The following ZBTB20 variants were observed in gnomAD, a reference collection of about 807,000 sequenced individuals.
ZBTB20 encodes the protein zinc finger and BTB domain-containing protein 20.
A neutral mutation model predicts 56.9 loss-of-function variants in ZBTB20; 9 were observed. The ratio of observed to expected loss-of-function variants is 0.16; its 90% CI spans 0.10 to 0.28. ZBTB20 has a LOEUF of 0.28. ZBTB20 is among the 10% of genes least tolerant of loss of function. The pLI is 1.00. For synonymous variants in ZBTB20, 417 were observed against 420.7 expected, an observed-to-expected ratio of 0.99 and a Z score of 0.11; for missense variants, 655 against 1,003.0, an observed-to-expected ratio of 0.65 and a Z score of 4.69.
At chr3:114,844,815 T>A (rs2074605362) in intron 4 of ZBTB20, among the ~76,000 whole-genome samples, 1 of 150,568 alleles carries the variant, frequency 6.6e-6, no homozygotes, top group Non-Finnish European at 1.5e-5. Flanking sequence ...TGATTGATAT[T>A]GAGCATCATT....
Position 114,316,695 on chromosome 3 carries a change from A to G in ZBTB20, c.*22310T>C, listed in dbSNP as rs1025140727. ...ATTTTTTAAAGTGCATTTTCAATGC[A>G]GAAAAACTGTAATCCACTGATTCCT... On this transcript the variant is annotated 3_prime_UTR_variant, in exon 12 of 12. Transcript: ENST00000675478. 3.5e-5 allele frequency: 14 copies of G among 399,442 alleles called. No individual in the cohort carries two copies. The highest frequency in any genetic ancestry group is 3.9e-4 in the Middle Eastern group (1 of 2,544). The allele number at this position is 399,442 out of a possible 1,614,324, so 24.7% of individuals were successfully genotyped here. A position where few individuals can be genotyped will look rare whatever the true frequency, so the allele number is the denominator to read the frequency against.
At chr3:114,854,494 A>G (rs1449986120) in intron 4 of ZBTB20, among the ~76,000 whole-genome samples, 1 of 152,108 alleles carries the variant, frequency 6.6e-6, no homozygotes, top group East Asian at 1.9e-4. Flanking sequence ...ACATTTGTAT[A>G]GTTTTTGTCT....
At chr3:114,711,361 T>C (rs1344070234) in intron 5 of ZBTB20, among the ~76,000 whole-genome samples, 1 of 152,192 alleles carries the variant, frequency 6.6e-6, no homozygotes, top group Admixed American at 6.5e-5. Context: ...AGTAGATGAA[T>C]AAAGTGTTCC....
intron 7 of ZBTB20, among the ~76,000 whole-genome samples, chr3:114,467,167 G>C (rs2092588788): frequency 6.6e-6 from 1 of 152,156 alleles, no homozygotes; most frequent in Admixed American, 6.5e-5. Flanking sequence ...AGATGTTGTG[G>C]GTGAAACATG....
chr3:114,739,394 C>A (rs1412852953), intron 5 of ZBTB20, among the ~76,000 whole-genome samples: 2 of 152,170 alleles, frequency 1.3e-5, no homozygotes, highest in Admixed American at 1.3e-4. Flanking sequence ...TTACATGCTT[C>A]CTCACAGATT....
At chr3:114,761,562 C>G (rs942114301) in intron 5 of ZBTB20, among the ~76,000 whole-genome samples, 1 of 152,026 alleles carries the variant, frequency 6.6e-6, no homozygotes, top group Admixed American at 6.6e-5. Context: ...AGTCCGGGCA[C>G]GGTGGCTCAA....
chr3:114,702,061 G>A (rs1266675086), intron 5 of ZBTB20, among the ~76,000 whole-genome samples: 2 of 152,186 alleles, frequency 1.3e-5, no homozygotes, highest in African/African-American at 4.8e-5. Context: ...TGATTGGCTA[G>A]GCATGGTGAC....
intron 10 of ZBTB20, chr3:114,367,138 C>T (rs2030439): frequency 0.43 from 66,092 of 152,224 alleles, 14,633 homozygotes; most frequent in South Asian, 0.46. Context: ...GAAGGAGCTA[C>T]GGTGAAAGGG....
intron 7 of ZBTB20, chr3:114,419,190 C>T (rs979508827): frequency 2.0e-5 from 3 of 152,044 alleles, no homozygotes; most frequent in African/African-American, 4.8e-5. Flanking sequence ...AAAAAGAAAC[C>T]GTGCTGCCTT....
intron 2 of ZBTB20, among the ~76,000 whole-genome samples, chr3:115,026,370 T>A (rs1387165918): frequency 6.6e-6 from 1 of 151,064 alleles, no homozygotes; most frequent in Admixed American, 6.6e-5. Flanking sequence ...ACTGTACAAA[T>A]GCTGGACCCC....
chr3:114,883,162 A>G (rs1171839235), intron 4 of ZBTB20, among the ~76,000 whole-genome samples: 1 of 152,204 alleles, frequency 6.6e-6, no homozygotes, highest in African/African-American at 2.4e-5. Flanking sequence ...TTTGAGACTT[A>G]AATATCAATT....
At chr3:114,891,242 G>A (rs993938383) in intron 4 of ZBTB20, among the ~76,000 whole-genome samples, 4 of 152,112 alleles carry the variant, frequency 2.6e-5, no homozygotes, top group Non-Finnish European at 4.4e-5. Context: ...GGAGACAGGG[G>A]ATGCTGAATT....
At chr3:114,628,452 T>C (rs903081809) in intron 6 of ZBTB20, among the ~76,000 whole-genome samples, 1 of 152,138 alleles carries the variant, frequency 6.6e-6, no homozygotes, top group Admixed American at 6.6e-5. Flanking sequence ...CTCCACACTC[T>C]TTAACTTAGA....
At chr3:114,498,995 A>T (rs1343884305) in intron 7 of ZBTB20, among the ~76,000 whole-genome samples, 1 of 152,204 alleles carries the variant, frequency 6.6e-6, no homozygotes, top group Non-Finnish European at 1.5e-5. Context: ...TATTATGTGA[A>T]CTGTTTTTAC....
At chr3:114,516,326 T>G (rs1182726031) in intron 6 of ZBTB20, among the ~76,000 whole-genome samples, 1 of 152,214 alleles carries the variant, frequency 6.6e-6, no homozygotes, top group Non-Finnish European at 1.5e-5. Flanking sequence ...ATATATGCCA[T>G]GTACATTCAT....
chr3:114,989,902 TTGTC>T (rs1197257048), intron 2 of ZBTB20, among the ~76,000 whole-genome samples: 1 of 152,194 alleles, frequency 6.6e-6, no homozygotes, highest in Non-Finnish European at 1.5e-5. Flanking sequence ...GGCTTTCTGT[TTGTC>T]TGTTATTGGT....
chr3:114,625,288 A>G (rs1005621781), intron 6 of ZBTB20, among the ~76,000 whole-genome samples: 1 of 152,122 alleles, frequency 6.6e-6, no homozygotes, highest in South Asian at 2.1e-4. Flanking sequence ...CAGTCAGAAA[A>G]AGAGGGCACT....
chr3:115,124,134 G>A (rs1276263130), intron 1 of ZBTB20, among the ~76,000 whole-genome samples: 6 of 152,130 alleles, frequency 3.9e-5, no homozygotes, highest in Non-Finnish European at 5.9e-5. Flanking sequence ...ATACCTGAAT[G>A]GATGTTATTT....
intron 1 of ZBTB20, among the ~76,000 whole-genome samples, chr3:115,096,467 A>G (rs2083383611): frequency 6.6e-6 from 1 of 152,230 alleles, no homozygotes; most frequent in African/African-American, 2.4e-5. Flanking sequence ...ATATATTTAT[A>G]AAGTGACCTC....
Sources: allele counts gnomAD v4.1 joint callset (sites outside exome capture counted in the v4.1 genomes callset), GRCh38; gene constraint gnomAD v4.1.1; transcripts MANE v1.5; gene names NCBI Gene and HGNC (gene_info 2026-07-23, HGNC 2026-07-21).